TMEM132D: variants seen among roughly 807,000 people sequenced by gnomAD.
The protein encoded by TMEM132D is transmembrane protein 132D.
Under a neutral mutation model 62.3 loss-of-function variants are expected in TMEM132D, and 21 were observed. The ratio of observed to expected loss-of-function variants is 0.34; its 90% CI spans 0.24 to 0.49. The LOEUF (loss-of-function observed/expected upper bound fraction) is 0.49, where lower values mean the gene tolerates loss of function less well. Ranked by LOEUF, TMEM132D falls within the 20% of genes least tolerant of loss-of-function variation. TMEM132D has a pLI of 0.99. For missense variants in TMEM132D, 1,346 were observed against 1,402.8 expected (o/e 0.96, Z 0.65); for synonymous variants, 621 against 575.6 (o/e 1.08, Z -1.13).
chr12:129,401,757 G>A (rs541900378), intron 3 of TMEM132D, among the ~76,000 whole-genome samples: 4 of 152,148 alleles, frequency 2.6e-5, no homozygotes, highest in Non-Finnish European at 4.4e-5. Context: ...CAGCCCTCTC[G>A]CTCCAGTCTG....
At chr12:129,842,097 A>ATTTTTTTTTTTTTTT (rs746315309) in intron 1 of TMEM132D, among the ~76,000 whole-genome samples, 3 of 97,446 alleles carry the variant, frequency 3.1e-5, no homozygotes, top group African/African-American at 1.2e-4. Context: ...CGCCCGGCTA[A>ATTTTTTTTTTTTTTT]TTTTTTTTTT....
At chr12:129,591,237 G>A (rs1004178936) in intron 2 of TMEM132D, among the ~76,000 whole-genome samples, 2 of 152,168 alleles carry the variant, frequency 1.3e-5, no homozygotes, top group African/African-American at 4.8e-5. Context: ...CCTCATCATG[G>A]CTTCCAAAGA....
chr12:129,514,720 T>C (rs558554125), intron 3 of TMEM132D, among the ~76,000 whole-genome samples: 3 of 152,348 alleles, frequency 2.0e-5, no homozygotes, highest in South Asian at 2.1e-4. Flanking sequence ...GCAATTTCAC[T>C]GTGTGAAATG....
chr12:129,611,547 C>G (rs1443243555), intron 2 of TMEM132D, among the ~76,000 whole-genome samples: 1 of 152,122 alleles, frequency 6.6e-6, no homozygotes, highest in Non-Finnish European at 1.5e-5. Context: ...GCACAACAAA[C>G]TTTTTCACTT....
chr12:129,190,065 C>CGGCCTGCAGATGGAGGGAGGGAGTCTCA, intron 5 of TMEM132D, among the ~76,000 whole-genome samples: 6 of 149,684 alleles, frequency 4.0e-5, no homozygotes, highest in Non-Finnish European at 7.4e-5. Context: ...GGTCTTGGGA[C>CGGCCTGCAGATGGAGGGAGGGAGTCTCA]GGCCTGCAGA....
chr12:129,781,488 T>C (rs1042604529), intron 1 of TMEM132D, among the ~76,000 whole-genome samples: 13 of 152,180 alleles, frequency 8.5e-5, no homozygotes, highest in African/African-American at 2.7e-4. Context: ...AATAAGGTCA[T>C]CCAAAAATAC....
At chr12:129,236,669 G>A (rs1330692588) in intron 4 of TMEM132D, among the ~76,000 whole-genome samples, 2 of 151,908 alleles carry the variant, frequency 1.3e-5, no homozygotes, top group African/African-American at 4.8e-5. Flanking sequence ...CATGTCATTT[G>A]CAGAGACAAG....
At chr12:129,093,736 A>C (rs1875007580) in intron 5 of TMEM132D, among the ~76,000 whole-genome samples, 1 of 152,192 alleles carries the variant, frequency 6.6e-6, no homozygotes, top group Admixed American at 6.5e-5. Context: ...AGTCAATCCT[A>C]AGCCAAAAGA....
chr12:129,732,557 C>T (rs1048049493), intron 1 of TMEM132D, among the ~76,000 whole-genome samples: 1 of 152,134 alleles, frequency 6.6e-6, no homozygotes, highest in African/African-American at 2.4e-5. Flanking sequence ...GCACCTCCCT[C>T]CACCTTGCTG....
At position 129,246,775 on chromosome 12, in the gene TMEM132D, A is replaced by G. The variant is rs1050125995; in HGVS notation, c.1300-37112T>C. Among the ~76,000 whole-genome samples the G allele has an allele frequency of 4.6e-5, 7 of 151,706 alleles. No homozygotes were observed. The East Asian group carries it at 1.2e-3, about 25-fold the overall frequency. On this transcript the variant is annotated intron_variant, in intron 4 of 8. Transcript: ENST00000422113. The stretch of plus-strand genomic sequence containing the variant: ...AGCAAGACTCTATCTCAAAAAAAAA[A>G]AAAAGATAGAAAGTAGGCACATGGT...
chr12:129,496,670 TAA>T (rs3046079), intron 3 of TMEM132D, among the ~76,000 whole-genome samples: 2,587 of 150,300 alleles, frequency 0.017, 58 homozygotes, highest in African/African-American at 0.055. Flanking sequence ...CAACTTACAT[TAA>T]AAAAAAAATG....
chr12:129,797,375 T>C (rs1235682424), intron 1 of TMEM132D, among the ~76,000 whole-genome samples: 1 of 152,218 alleles, frequency 6.6e-6, no homozygotes. Flanking sequence ...TTGCAAACGA[T>C]ACAACATATG....
At position 129,337,733 on chromosome 12, in the gene TMEM132D, C is replaced by T. The variant is rs1392091331; in HGVS notation, c.1200G>A (p.Thr400=). The T allele has an allele frequency of 3.7e-6, 6 of 1,614,194 alleles. No homozygotes were observed. The African/African-American group carries it at 6.7e-5, about 18-fold the overall frequency. Reference sequence around the variant, plus strand: ...TCTCTCCGGGGTACTCGACCTGCCACGTGACCAGCTGTGTGGCTGGCAGGT... The same window carrying T: ...TCTCTCCGGGGTACTCGACCTGCCATGTGACCAGCTGTGTGGCTGGCAGGT... The part of the protein sequence containing the change: ...PGDLPATQLV[T]WQVEYPGEIT... Residue 400 remains threonine, a synonymous_variant, in exon 4 of 9, where the codon ACG becomes ACA. Coordinates refer to ENST00000422113, the MANE Select transcript of TMEM132D (RefSeq NM_133448.3).
chr12:129,538,013 T>C (rs1201006909), intron 2 of TMEM132D, among the ~76,000 whole-genome samples: 1 of 152,246 alleles, frequency 6.6e-6, no homozygotes, highest in East Asian at 1.9e-4. Flanking sequence ...TCTTGACTTT[T>C]ATGTGAAATT....
At chr12:129,749,712 G>A (rs768381584) in intron 1 of TMEM132D, among the ~76,000 whole-genome samples, 11 of 151,950 alleles carry the variant, frequency 7.2e-5, no homozygotes, top group East Asian at 2.0e-4. Context: ...TGATCTGCCC[G>A]CCTCGGCCTC....
intron 1 of TMEM132D, among the ~76,000 whole-genome samples, chr12:129,714,621 A>T (rs188125815): frequency 5.9e-5 from 9 of 152,350 alleles, no homozygotes; most frequent in Non-Finnish European, 1.2e-4. Context: ...AGATCATAAT[A>T]ATCAGCTTGA....
At chr12:129,323,609 G>A (rs1239133255) in intron 4 of TMEM132D, among the ~76,000 whole-genome samples, 1 of 152,160 alleles carries the variant, frequency 6.6e-6, no homozygotes, top group Non-Finnish European at 1.5e-5. Flanking sequence ...TTGATGGGAA[G>A]TTCACAGGTT....
intron 3 of TMEM132D, among the ~76,000 whole-genome samples, chr12:129,388,478 A>G (rs113428694): frequency 0.063 from 4,532 of 71,680 alleles, 70 homozygotes; most frequent in African/African-American, 0.12. Context: ...ACACCAACAC[A>G]AATCCTAATA....
intron 1 of TMEM132D, among the ~76,000 whole-genome samples, chr12:129,725,617 C>T (rs565461276): frequency 1.1e-4 from 16 of 152,234 alleles, no homozygotes; most frequent in Non-Finnish European, 2.4e-4. Context: ...AATAGTTTCA[C>T]AGTGTACGTA....
Sources: gnomAD v4.1 joint callset for allele counts (sites outside exome capture counted in the v4.1 genomes callset) on GRCh38, gnomAD v4.1.1 for gene constraint, MANE v1.5 for transcripts, NCBI Gene and HGNC (gene_info 2026-07-23, HGNC 2026-07-21) for gene names.